STAT2: variants seen among roughly 807,000 people sequenced by gnomAD.
The protein encoded by STAT2 is signal transducer and activator of transcription 2, also known as interferon alpha induced transcriptional activator.
In STAT2, 51 loss-of-function variants were observed where a neutral mutation model predicts 122.3. The ratio of observed to expected loss-of-function variants is 0.42; its 90% CI spans 0.33 to 0.53. The LOEUF (loss-of-function observed/expected upper bound fraction) is 0.53. Among genes scored for constraint, STAT2 ranks in the 20% least tolerant of loss-of-function variants. STAT2 has a pLI of 0.10. For synonymous variants in STAT2, 351 were observed against 394.9 expected (o/e 0.89, Z 1.32); for missense variants, 736 against 1,010.3 (o/e 0.73, Z 3.68).
intron 9 of STAT2, 32 bp downstream of exon 9, chr12:56,351,259 CT>C: frequency 6.2e-7 from 1 of 1,612,054 alleles, no homozygotes; most frequent in Non-Finnish European, 8.5e-7. Context: ...CTTGTTCCTT[CT>C]TTCCCCCAGG....
chr12:56,349,131 C>T (rs777727581), intron 16 of STAT2, 32 bp downstream of exon 16: 13 of 1,614,090 alleles, frequency 8.1e-6, no homozygotes, highest in Middle Eastern at 3.3e-4. Flanking sequence ...CCCCTCCTCT[C>T]GCGCCTTGAC....
rs754849085 is a variant in STAT2, at chr12:56,350,088, T to C, written c.1209+9A>G. On this transcript the variant is annotated intron_variant, in intron 13 of 23. Transcript: ENST00000314128. ...AGTAATAAAAGCATAGGTCACAAAC[T>C]ATTCTTACCAGGTAACCAAAGTCCC... is the stretch of plus-strand genomic sequence containing the variant. 17 of 1,603,660 alleles carry C rather than the reference T, an allele frequency of 1.1e-5. No homozygotes were observed. The African/African-American group carries it at 2.2e-4, about 20-fold the overall frequency.
intron 12 of STAT2, 29 bp downstream of exon 12, chr12:56,350,383 T>A: frequency 6.3e-7 from 1 of 1,599,378 alleles, no homozygotes; most frequent in Non-Finnish European, 8.5e-7. Context: ...ACTGTACAGA[T>A]GTTTGCAGTG....
intron 1 of STAT2, among the ~76,000 whole-genome samples, chr12:56,356,811 A>T (rs903060206): frequency 6.6e-6 from 1 of 152,150 alleles, no homozygotes; most frequent in Non-Finnish European, 1.5e-5. Context: ...GAGTGCTACC[A>T]GTTGAGTATC....
chr12:56,354,016 A>AAAAAATATATATATAT (rs71081350), intron 8 of STAT2, among the ~76,000 whole-genome samples: 1 of 16,696 alleles, frequency 6.0e-5, no homozygotes, highest in Non-Finnish European at 1.6e-4. Flanking sequence ...AAAAAAAAAA[A>AAAAAATATATATATAT]ATATATATAT....
chr12:56,351,197 A>G lies in STAT2; in HGVS notation c.942-7T>C. 1.2e-6 allele frequency: 2 copies of G among 1,613,124 alleles called. No homozygotes were observed. The highest frequency in any genetic ancestry group is 2.7e-5 in the African/African-American group (2 of 75,008). On this transcript the variant is annotated splice_polypyrimidine_tract_variant and splice_region_variant and intron_variant, in intron 9 of 23. Coordinates refer to ENST00000314128, the MANE Select transcript of STAT2 (RefSeq NM_005419.4). ...GGTTTCTACCACAAAGGCTCTGAGG[A>G]GAGAGAGGTGTGGAGAGAATATATA...
At chr12:56,356,395 G>GT in intron 2 of STAT2, 46 bp downstream of exon 2, 1 of 1,609,946 alleles carries the variant, frequency 6.2e-7, no homozygotes. Flanking sequence ...GGGCCCAGAA[G>GT]TAAGGAACCA....
chr12:56,344,515 T>C (rs561429183), intron 22 of STAT2, among the ~76,000 whole-genome samples: 30 of 152,246 alleles, frequency 2.0e-4, no homozygotes, highest in Non-Finnish European at 2.2e-4. Flanking sequence ...CACAGGACTA[T>C]TTTGTAGATT....
intron 13 of STAT2, 171 bp downstream of exon 13, chr12:56,349,926 A>G: frequency 4.4e-6 from 3 of 674,904 alleles, no homozygotes; most frequent in Non-Finnish European, 7.7e-6. Context: ...GTGTGTGCCT[A>G]TAGTCTCAGC....
chr12:56,354,799 A>G lies in STAT2; in HGVS notation c.612T>C (p.Asn204=). Residue 204 remains asparagine (N), a synonymous_variant, in exon 7 of 24, where the codon AAT becomes AAC. Coordinates refer to ENST00000314128, the MANE Select transcript of STAT2 (RefSeq NM_005419.4). ...KEQKILQETL[N]ELDKRRKEVL... is the part of the protein sequence containing the mutation. ...CCACCTTTCTCCTTTTGTCCAGTTC[A>G]TTGAGAGTTTCCTGCAGAATCTTCT... The G allele has an allele frequency of 6.2e-7, 1 of 1,614,070 alleles. No individual in the cohort carries two copies. Among genetic ancestry groups the G allele is most frequent in the Non-Finnish European group, 8.5e-7 (1 of 1,180,014 alleles).
intron 20 of STAT2, 82 bp downstream of exon 20, chr12:56,346,737 G>C: frequency 6.2e-7 from 1 of 1,606,030 alleles, no homozygotes; most frequent in Non-Finnish European, 8.5e-7. Flanking sequence ...CAGAGCCAGG[G>C]AAGCCAAGGG....
In STAT2 at chr12:56,348,641, A is replaced by G. The variant is rs766670945; in HGVS notation, c.1630-18T>C. 1.2e-6 allele frequency: 2 copies of G among 1,614,084 alleles called. No homozygotes were observed. Among genetic ancestry groups the G allele is most frequent in the East Asian group, 2.2e-5 (1 of 44,896 alleles). On this transcript the variant is annotated intron_variant, in intron 18 of 23. Transcript: ENST00000314128. The stretch of plus-strand genomic sequence containing the variant: ...CTCTCTCGCTGGAGGAGGAATGGAA[A>G]GGTAGCAAAAGCTGAGGAGTTGCCT...
At chr12:56,358,378 T>C (rs1024934018) in intron 1 of STAT2, among the ~76,000 whole-genome samples, 4 of 152,014 alleles carry the variant, frequency 2.6e-5, no homozygotes, top group African/African-American at 9.7e-5. Flanking sequence ...CCCGACTAGC[T>C]GGGATTACAG....
intron 13 of STAT2, 39 bp from the exon 14 acceptor site, chr12:56,349,675 G>A (rs764571647): frequency 1.2e-6 from 2 of 1,613,458 alleles, no homozygotes; most frequent in Non-Finnish European, 1.7e-6. Flanking sequence ...GCCAGAGTGG[G>A]CACCCTAGTG....
Position 56,343,395 on chromosome 12 carries a change from G to T in STAT2, c.2550C>A (p.Asp850Glu). 6.2e-7 allele frequency: 1 copy of T among 1,613,482 alleles called. No homozygotes were observed. The highest frequency in any genetic ancestry group is 8.5e-7 in the Non-Finnish European group (1 of 1,179,562). The part of the protein sequence containing the change: ...FYTDGPLMPS[D>E]F ...AACAGAGGAAATGTGGTTCCTAGAA[G>T]TCAGAAGGCATCAAGGGTCCATCAG... The change falls in exon 24 of 24, where the codon GAC (aspartate) becomes GAA (glutamate). Residue 850 changes from aspartate (D) to glutamate (E), a missense_variant. Transcript: ENST00000314128.
chr12:56,346,755 AG>A (rs1272876826), intron 20 of STAT2, 63 bp downstream of exon 20: 1 of 1,609,482 alleles, frequency 6.2e-7, no homozygotes, highest in African/African-American at 1.3e-5. Flanking sequence ...GGGCAGGCAG[AG>A]GGGCAAGAGG....
chr12:56,347,684 T>C (rs1244517359), intron 19 of STAT2, among the ~76,000 whole-genome samples: 1 of 152,026 alleles, frequency 6.6e-6, no homozygotes, highest in Non-Finnish European at 1.5e-5. Context: ...GTATTTTTAA[T>C]AGAGATGGGG....
At position 56,351,118 on chromosome 12, in the gene STAT2, G is replaced by A; in HGVS notation, c.1014C>T (p.Ser338=). The A allele has an allele frequency of 6.2e-7, 1 of 1,614,062 alleles. No individual in the cohort carries two copies. Among genetic ancestry groups the A allele is most frequent in the Non-Finnish European group, 8.5e-7 (1 of 1,180,002 alleles). ...PHRPLILKTG[S]KFTVRTRLLV... ...CCAACCTTGTTCGGACGGTGAACTT[G>A]CTGCCAGTCTTGAGGATGAGGGGTC... is the stretch of plus-strand genomic sequence containing the variant. Residue 338 remains serine (S), a synonymous_variant, in exon 10 of 24, where the codon AGC becomes AGT. Transcript: ENST00000314128.
intron 19 of STAT2, among the ~76,000 whole-genome samples, chr12:56,347,211 C>T (rs1877626980): frequency 6.6e-6 from 1 of 151,632 alleles, no homozygotes; most frequent in African/African-American, 2.4e-5. Flanking sequence ...TTCTGGGAGA[C>T]AGGGTGTCAT....
Sources: gnomAD v4.1 joint callset for allele counts (sites outside exome capture counted in the v4.1 genomes callset) on GRCh38, gnomAD v4.1.1 for gene constraint, MANE v1.5 for transcripts, NCBI Gene and HGNC (gene_info 2026-07-23, HGNC 2026-07-21) for gene names.